Variants in CCL1 observed in about 807,000 individuals in gnomAD.
The protein encoded by CCL1 is C-C motif chemokine ligand 1.
A neutral mutation model predicts 7.5 loss-of-function variants in CCL1; 9 were observed. The observed-to-expected ratio is 1.20, with a 90% CI of 0.72 to 2.09. The LOEUF is 2.09. Ranked by LOEUF, CCL1 falls within the 30% of genes most tolerant of loss-of-function variation. The pLI is 0.00. For synonymous variants in CCL1, 48 were observed against 44.7 expected, an observed-to-expected ratio of 1.07 and a Z score of -0.30; for missense variants, 110 against 113.7, an observed-to-expected ratio of 0.97 and a Z score of 0.15.
intron 2 of CCL1, among the ~76,000 whole-genome samples, chr17:34,360,939 G>A (rs886241082): frequency 6.6e-6 from 1 of 152,102 alleles, no homozygotes; most frequent in Non-Finnish European, 1.5e-5. Flanking sequence ...ACATTCTGAC[G>A]ATTAGGTGAG....
Position 34,360,979 on chromosome 17 carries a change from T to C in CCL1, c.189-318A>G, listed in dbSNP as rs186118527. The stretch of plus-strand genomic sequence containing the variant: ...GAAATTCCCATCCTGGAATAGCTCT[T>C]TGCACCAACTTTAATGTTTCTGTGT... On this transcript the variant is annotated intron_variant, in intron 2 of 2. Coordinates refer to ENST00000225842, the MANE Select transcript of CCL1 (RefSeq NM_002981.2). Among the ~76,000 whole-genome samples, 505 of 152,292 alleles carry C rather than the reference T, an allele frequency of 3.3e-3. 1 individual carries two copies. The highest frequency in any genetic ancestry group is 0.012 in the African/African-American group (479 of 41,566).
In CCL1 at chr17:34,363,008, G is replaced by A. The variant is rs577819700; in HGVS notation, c.76+78C>T. 20 of 1,337,190 alleles carry A rather than the reference G, an allele frequency of 1.5e-5. No individual in the cohort carries two copies. The South Asian group carries it at 1.8e-4, about 12-fold the overall frequency. The allele number at this position is 1,337,190 out of a possible 1,614,324, so 82.8% of individuals were successfully genotyped here. A position where few individuals can be genotyped will look rare whatever the true frequency, so the allele number is the denominator to read the frequency against. On this transcript the variant is annotated intron_variant, in intron 1 of 2. Coordinates refer to ENST00000225842, the MANE Select transcript of CCL1 (RefSeq NM_002981.2). ...ATAGAGTTGGTGAGTTCAAGGAGAA[G>A]CCTGCTCCAACCCCAGAGTGGCTGA... is the stretch of plus-strand genomic sequence containing the variant.
intron 1 of CCL1, 66 bp downstream of exon 1, chr17:34,363,020 C>G: frequency 6.8e-7 from 1 of 1,468,868 alleles, no homozygotes; most frequent in African/African-American, 1.4e-5. Flanking sequence ...CTGCTCCAAC[C>G]CCAGAGTGGC....
intron 1 of CCL1, 69 bp from the exon 2 acceptor site, chr17:34,361,965 AAAAC>A: frequency 1.8e-6 from 2 of 1,100,476 alleles, no homozygotes. Context: ...CAATTTTTAA[AAAAC>A]AAACAAAAAA....
Position 34,361,887 on chromosome 17 carries a change from G to C in CCL1, c.86C>G (p.Pro29Arg). ...AAATGAGAAGCAACATCTGGAGAAG[G>C]GTACCTGCACTAGAAGAGGAACACA... is the stretch of plus-strand genomic sequence containing the variant. ...EDVDSKSMQV[P>R]FSRCCFSFAE... The change falls in exon 2 of 3, where the codon CCC becomes CGC. Residue 29 changes from proline to arginine, a missense_variant. Coordinates refer to ENST00000225842, the MANE Select transcript of CCL1 (RefSeq NM_002981.2). 6.2e-7 allele frequency: 1 copy of C among 1,607,558 alleles called. No individual in the cohort carries two copies.
In CCL1 at chr17:34,360,370, G is replaced by A. The variant is rs767313698; in HGVS notation, c.*189C>T. Reference sequence around the variant, plus strand: ...CAAGTTTTCACTCTGAAATCCAAGAGACCCAGAGGGTTGGGGGTTGATGAT... The same window carrying A: ...CAAGTTTTCACTCTGAAATCCAAGAAACCCAGAGGGTTGGGGGTTGATGAT... On this transcript the variant is annotated 3_prime_UTR_variant, in exon 3 of 3. Coordinates refer to ENST00000225842, the MANE Select transcript of CCL1 (RefSeq NM_002981.2). The A allele has an allele frequency of 9.2e-6, 5 of 541,816 alleles. No individual in the cohort carries two copies. Among genetic ancestry groups the A allele is most frequent in the Non-Finnish European group, 3.3e-6 (1 of 300,238 alleles). The allele number at this position is 541,816 out of a possible 1,614,324, so 33.6% of individuals were successfully genotyped here. A position where few individuals can be genotyped will look rare whatever the true frequency, so the allele number is the denominator to read the frequency against.
At chr17:34,361,415 G>T (rs1184125595) in intron 2 of CCL1, among the ~76,000 whole-genome samples, 1 of 152,188 alleles carries the variant, frequency 6.6e-6, no homozygotes, top group Non-Finnish European at 1.5e-5. Context: ...CCTGTCCACG[G>T]TCACCCAAGA....
At position 34,361,876 on chromosome 17, in the gene CCL1, A is replaced by G; in HGVS notation, c.97T>C (p.Cys33Arg). The G allele has an allele frequency of 1.9e-6, 3 of 1,611,522 alleles. No individual in the cohort carries two copies. The highest frequency in any genetic ancestry group is 2.5e-6 in the Non-Finnish European group (3 of 1,177,876). ...SKSMQVPFSRCCFSFAEQEIP... is the reference protein window; with the variant it reads ...SKSMQVPFSRRCFSFAEQEIP... ...TCTTGCTCCGCAAATGAGAAGCAAC[A>G]TCTGGAGAAGGGTACCTGCACTAGA... is the stretch of plus-strand genomic sequence containing the variant. The change falls in exon 2 of 3, where the codon TGT becomes CGT. Residue 33 changes from cysteine to arginine, a missense_variant. Cys to Arg is a radical substitution (Grantham distance 180). Transcript: ENST00000225842.
Position 34,360,509 on chromosome 17 carries a change from G to T in CCL1, c.*50C>A. Reference sequence around the variant, plus strand: ...ATGGTGTAGGGCTGGTAGTTTCGGGGACAGGTGAAGCCATGTGGTTTCCAG... The same window carrying T: ...ATGGTGTAGGGCTGGTAGTTTCGGGTACAGGTGAAGCCATGTGGTTTCCAG... On this transcript the variant is annotated 3_prime_UTR_variant, in exon 3 of 3. Transcript: ENST00000225842. 3 of 1,378,098 alleles carry T rather than the reference G, an allele frequency of 2.2e-6. No individual in the cohort carries two copies. Among genetic ancestry groups the T allele is most frequent in the South Asian group, 1.2e-5 (1 of 86,556 alleles). 85.4% of individuals were successfully genotyped at this position (1,378,098 alleles called of 1,614,324 possible).
intron 2 of CCL1, 71 bp from the exon 3 acceptor site, chr17:34,360,732 G>A (rs529692183): frequency 1.4e-4 from 163 of 1,155,788 alleles, no homozygotes; most frequent in South Asian, 1.3e-3. Context: ...CACAAGCCCC[G>A]CCTCCTCCGG....
At position 34,360,439 on chromosome 17, in the gene CCL1, G is replaced by C; in HGVS notation, c.*120C>G. 2.6e-6 allele frequency: 2 copies of C among 771,684 alleles called. No individual in the cohort carries two copies. Among genetic ancestry groups the C allele is most frequent in the South Asian group, 2.9e-5 (2 of 67,808 alleles). The allele number at this position is 771,684 out of a possible 1,614,324, so 47.8% of individuals were successfully genotyped here. On this transcript the variant is annotated 3_prime_UTR_variant, in exon 3 of 3. Coordinates refer to ENST00000225842, the MANE Select transcript of CCL1 (RefSeq NM_002981.2). ...AAAGTGCAACAACATAGCTTATCAA[G>C]ACCAAGCAGATCCTCTGTGACCTAG...
intron 1 of CCL1, among the ~76,000 whole-genome samples, chr17:34,362,688 G>C (rs1369032210): frequency 6.6e-6 from 1 of 152,152 alleles, no homozygotes; most frequent in Non-Finnish European, 1.5e-5. Context: ...GAGAGCTAAA[G>C]TGACTTGCCC....
At position 34,361,915 on chromosome 17, in the gene CCL1, C is replaced by T. The variant is rs182368294; in HGVS notation, c.77-19G>A. On this transcript the variant is annotated intron_variant, in intron 1 of 2. Transcript: ENST00000225842. ...ACCTGCACTAGAAGAGGAACACAGA[C>T]GATGGTTTGCATCCATTTCTCAACC... The T allele has an allele frequency of 7.2e-5, 110 of 1,520,622 alleles. No individual in the cohort carries two copies. The highest frequency in any genetic ancestry group is 9.0e-5 in the South Asian group (8 of 89,038). 94.2% of individuals were successfully genotyped at this position (1,520,622 alleles called of 1,614,324 possible).
intron 1 of CCL1, among the ~76,000 whole-genome samples, chr17:34,362,723 G>A (rs1419943397): frequency 2.6e-5 from 4 of 152,100 alleles, no homozygotes; most frequent in Non-Finnish European, 4.4e-5. Context: ...GTTAGAGCCC[G>A]GTCTTGCCTT....
At position 34,361,883 on chromosome 17, in the gene CCL1, G is replaced by A. The variant is rs773242988; in HGVS notation, c.90C>T (p.Phe30=). 6.2e-7 allele frequency: 1 copy of A among 1,608,858 alleles called. No individual in the cohort carries two copies. Among genetic ancestry groups the A allele is most frequent in the Non-Finnish European group, 8.5e-7 (1 of 1,175,636 alleles). The change falls in exon 2 of 3, where the codon TTC becomes TTT. Residue 30 remains phenylalanine (F), a synonymous_variant. Coordinates refer to ENST00000225842, the MANE Select transcript of CCL1 (RefSeq NM_002981.2). The stretch of plus-strand genomic sequence containing the variant: ...CCGCAAATGAGAAGCAACATCTGGA[G>A]AAGGGTACCTGCACTAGAAGAGGAA... ...DVDSKSMQVP[F]SRCCFSFAEQ...
chr17:34,362,528 G>A (rs940157490), intron 1 of CCL1, among the ~76,000 whole-genome samples: 10 of 151,950 alleles, frequency 6.6e-5, no homozygotes, highest in Admixed American at 3.3e-4. Flanking sequence ...ACCACATCCC[G>A]CAAGAGACCT....
At chr17:34,361,638 C>T (rs1457312028) in intron 2 of CCL1, 147 bp downstream of exon 2, 1 of 611,890 alleles carries the variant, frequency 1.6e-6, no homozygotes. Flanking sequence ...CCCTCTAGCG[C>T]CCAAGTGTGG....
At chr17:34,362,575 G>C (rs1316889280) in intron 1 of CCL1, among the ~76,000 whole-genome samples, 1 of 151,982 alleles carries the variant, frequency 6.6e-6, no homozygotes, top group Non-Finnish European at 1.5e-5. Flanking sequence ...TAGTTTTTCT[G>C]TTTGCACCCC....
Position 34,360,399 on chromosome 17 carries a change from A to G in CCL1, c.*160T>C. 3.3e-6 allele frequency: 2 copies of G among 605,186 alleles called. No homozygotes were observed. Among genetic ancestry groups the G allele is most frequent in the South Asian group, 3.9e-5 (2 of 51,848 alleles). The allele number at this position is 605,186 out of a possible 1,614,324, so 37.5% of individuals were successfully genotyped here. ...CAGAGGGTTGGGGGTTGATGATTGT[A>G]TAATTTAAATGTTTAAAGTGCAACA... On this transcript the variant is annotated 3_prime_UTR_variant, in exon 3 of 3. Transcript: ENST00000225842.
Sources: allele counts gnomAD v4.1 joint callset (sites outside exome capture counted in the v4.1 genomes callset), GRCh38; gene constraint gnomAD v4.1.1; transcripts MANE v1.5; gene names NCBI Gene and HGNC (gene_info 2026-07-23, HGNC 2026-07-21).